Variants in ZBTB20 observed in about 807,000 individuals in gnomAD.
ZBTB20 encodes the protein zinc finger and BTB domain-containing protein 20.
A neutral mutation model predicts 56.9 loss-of-function variants in ZBTB20; 9 were observed. The observed-to-expected ratio is 0.16, with a 90% CI of 0.10 to 0.28. The LOEUF (loss-of-function observed/expected upper bound fraction) is 0.28. ZBTB20 is among the 10% of genes least tolerant of loss of function. The pLI, the probability that ZBTB20 is intolerant of heterozygous loss-of-function variation, is 1.00. For synonymous variants in ZBTB20, 417 were observed against 420.7 expected (o/e 0.99, Z 0.11); for missense variants, 655 against 1,003.0 (o/e 0.65, Z 4.69).
intron 1 of ZBTB20, among the ~76,000 whole-genome samples, chr3:115,109,976 G>A (rs1485159533): frequency 6.6e-6 from 1 of 152,042 alleles, no homozygotes; most frequent in Non-Finnish European, 1.5e-5. Context: ...TTGGGAGGCC[G>A]AGGTGGGCAG....
Position 115,046,352 on chromosome 3 carries a change from T to G in ZBTB20, c.-507+24867A>C, listed in dbSNP as rs114908445. Among the ~76,000 whole-genome samples, 653 of 152,292 alleles carry G rather than the reference T, an allele frequency of 4.3e-3. 6 individuals are homozygous for G. Among genetic ancestry groups the G allele is most frequent in the African/African-American group, 0.015 (611 of 41,564 alleles). On this transcript the variant is annotated intron_variant, in intron 2 of 11. Transcript: ENST00000675478. ...TAAAGTTGTTAGAAAAAAAAAGTCT[T>G]CATGTTTTGCACCTGGAAATTATTT...
chr3:114,649,824 T>C (rs916550310), intron 6 of ZBTB20, among the ~76,000 whole-genome samples: 1 of 151,926 alleles, frequency 6.6e-6, no homozygotes, highest in Non-Finnish European at 1.5e-5. Context: ...TGAGATAACA[T>C]TAAAAGGCTG....
chr3:114,625,617 T>C (rs962163259), intron 6 of ZBTB20, among the ~76,000 whole-genome samples: 1 of 151,816 alleles, frequency 6.6e-6, no homozygotes, highest in African/African-American at 2.4e-5. Flanking sequence ...TGGGTGGGGG[T>C]AGAGAAGAGC....
intron 2 of ZBTB20, among the ~76,000 whole-genome samples, chr3:115,050,824 A>G (rs2081519306): frequency 2.0e-5 from 3 of 152,212 alleles, no homozygotes; most frequent in Non-Finnish European, 2.9e-5. Flanking sequence ...AGTTTTCCCT[A>G]CAGAAAAGGG....
chr3:114,893,444 G>T (rs1228598342), intron 4 of ZBTB20, among the ~76,000 whole-genome samples: 1 of 152,158 alleles, frequency 6.6e-6, no homozygotes, highest in African/African-American at 2.4e-5. Flanking sequence ...TCATGAACAA[G>T]TTCTGCTTTA....
chr3:114,562,073 T>TG (rs2052131324), intron 6 of ZBTB20, among the ~76,000 whole-genome samples: 1 of 152,214 alleles, frequency 6.6e-6, no homozygotes, highest in African/African-American at 2.4e-5. Context: ...GCTTCAAACT[T>TG]TTCTTCTAAA....
At chr3:114,854,485 C>T (rs186562052) in intron 4 of ZBTB20, among the ~76,000 whole-genome samples, 172 of 152,210 alleles carry the variant, frequency 1.1e-3, no homozygotes, top group Non-Finnish European at 2.1e-3. Context: ...TTCTCCAGTA[C>T]ATTTGTATAG....
chr3:114,543,855 T>C (rs2049408951), intron 6 of ZBTB20, among the ~76,000 whole-genome samples: 1 of 152,218 alleles, frequency 6.6e-6, no homozygotes, highest in South Asian at 2.1e-4. Context: ...GAAGTCTTTT[T>C]CTTCAAAGAT....
At chr3:115,032,582 C>G (rs1057151372) in intron 2 of ZBTB20, among the ~76,000 whole-genome samples, 1 of 151,266 alleles carries the variant, frequency 6.6e-6, no homozygotes, top group Non-Finnish European at 1.5e-5. Context: ...AAACAGAATA[C>G]GCAATCTTCT....
chr3:115,094,598 AATTTTCTCTCAATTACATTCC>A (rs1280907292), intron 1 of ZBTB20, among the ~76,000 whole-genome samples: 5 of 151,436 alleles, frequency 3.3e-5, no homozygotes, highest in Non-Finnish European at 7.4e-5. Flanking sequence ...TGACAACATT[AATTTTCTCTCAATTACATTCC>A]ATTTACAGGA....
At chr3:115,021,338 G>T (rs17703731) in intron 2 of ZBTB20, among the ~76,000 whole-genome samples, 6,808 of 150,734 alleles carry the variant, frequency 0.045, 219 homozygotes, top group Non-Finnish European at 0.069. Flanking sequence ...TACTGAAAAC[G>T]CATTGTCTTT....
intron 6 of ZBTB20, among the ~76,000 whole-genome samples, chr3:114,690,387 C>T (rs534764464): frequency 2.6e-5 from 4 of 152,246 alleles, no homozygotes; most frequent in East Asian, 1.9e-4. Flanking sequence ...ATTTCTGATG[C>T]GTGTAATACA....
Position 114,939,630 on chromosome 3 carries a change from C to T in ZBTB20, c.-456+34736G>A, listed in dbSNP as rs532458294. Reference sequence around the variant, plus strand: ...CAAAATAGTTAAAATGATTTAGAGTCGAAGTAAGCAGGGGAAATATGAAGC... The same window carrying T: ...CAAAATAGTTAAAATGATTTAGAGTTGAAGTAAGCAGGGGAAATATGAAGC... On this transcript the variant is annotated intron_variant, in intron 3 of 11. Coordinates refer to ENST00000675478, the MANE Select transcript of ZBTB20 (RefSeq NM_001348800.3). 2.0e-4 allele frequency among the ~76,000 whole-genome samples: 29 copies of T among 145,834 alleles called. 2 individuals are homozygous for T. Among genetic ancestry groups the T allele is most frequent in the African/African-American group, 7.0e-4 (25 of 35,750 alleles).
At chr3:114,810,740 C>T (rs1289526738) in intron 4 of ZBTB20, among the ~76,000 whole-genome samples, 2 of 152,114 alleles carry the variant, frequency 1.3e-5, no homozygotes, top group African/African-American at 4.8e-5. Flanking sequence ...ATGACCACTG[C>T]CTAATTCTTT....
At chr3:115,050,514 C>T (rs942829295) in intron 2 of ZBTB20, among the ~76,000 whole-genome samples, 2 of 151,762 alleles carry the variant, frequency 1.3e-5, no homozygotes, top group African/African-American at 4.8e-5. Flanking sequence ...TTATCAAACA[C>T]CTTTATGTTT....
chr3:114,752,256 AT>A lies in ZBTB20; in HGVS notation c.-343+48844del, dbSNP rs966795578. ...CCCAAGGAATCTGACTCTCGTATCT[AT>A]CTACTCTAGGTGGGGGATATAGCAG... is the stretch of plus-strand genomic sequence containing the variant. On this transcript the variant is annotated intron_variant, in intron 5 of 11. Coordinates refer to ENST00000675478, the MANE Select transcript of ZBTB20 (RefSeq NM_001348800.3). Among the ~76,000 whole-genome samples the A allele has an allele frequency of 4.1e-5, 6 of 147,892 alleles. 1 individual carries two copies. Among genetic ancestry groups the A allele is most frequent in the African/African-American group, 1.5e-4 (6 of 40,438 alleles).
chr3:114,877,508 C>T (rs2076244145), intron 4 of ZBTB20, among the ~76,000 whole-genome samples: 1 of 152,180 alleles, frequency 6.6e-6, no homozygotes, highest in Non-Finnish European at 1.5e-5. Flanking sequence ...TTTTACAATT[C>T]ATTTAATTCA....
At chr3:114,574,729 AC>A (rs1235136756) in intron 6 of ZBTB20, among the ~76,000 whole-genome samples, 2 of 152,142 alleles carry the variant, frequency 1.3e-5, no homozygotes, top group Non-Finnish European at 2.9e-5. Context: ...TATTCTGCAC[AC>A]TGATGCCGAA....
At chr3:114,833,339 G>C (rs2073957755) in intron 4 of ZBTB20, among the ~76,000 whole-genome samples, 1 of 152,004 alleles carries the variant, frequency 6.6e-6, no homozygotes, top group Non-Finnish European at 1.5e-5. Flanking sequence ...ATATTACATA[G>C]CATCTGTACA....
Sources: allele counts gnomAD v4.1 joint callset (sites outside exome capture counted in the v4.1 genomes callset), GRCh38; gene constraint gnomAD v4.1.1; transcripts MANE v1.5; gene names NCBI Gene and HGNC (gene_info 2026-07-23, HGNC 2026-07-21).